ELAPOR2: variants seen among roughly 807,000 people sequenced by gnomAD.
The protein encoded by ELAPOR2 is endosome/lysosome-associated apoptosis and autophagy regulator family member 2.
In ELAPOR2, 89 loss-of-function variants were observed where a neutral mutation model predicts 120.7. The ratio of observed to expected loss-of-function variants is 0.74; its 90% confidence interval spans 0.62 to 0.88. ELAPOR2 has a LOEUF of 0.88. Ranked by LOEUF, ELAPOR2 falls within the 40% of genes least tolerant of loss-of-function variation. The pLI is 0.00. For synonymous variants in ELAPOR2, 444 were observed against 444.9 expected (o/e 1.00, Z 0.03); for missense variants, 1,134 against 1,251.6 (o/e 0.91, Z 1.42).
chr7:87,014,349 C>T (rs1793796024), intron 1 of ELAPOR2, among the ~76,000 whole-genome samples: 1 of 152,130 alleles, frequency 6.6e-6, no homozygotes. Flanking sequence ...TTCATGGCAA[C>T]TTCACAGATC....
chr7:87,010,331 C>T (rs928968345), intron 1 of ELAPOR2, among the ~76,000 whole-genome samples: 1 of 152,120 alleles, frequency 6.6e-6, no homozygotes, highest in African/African-American at 2.4e-5. Context: ...AAATCTCCAA[C>T]GTAGGAAGTG....
At chr7:86,937,526 A>C (rs1362513767) in intron 8 of ELAPOR2, among the ~76,000 whole-genome samples, 1 of 152,078 alleles carries the variant, frequency 6.6e-6, no homozygotes, top group Admixed American at 6.6e-5. Flanking sequence ...TGCAGAGCTC[A>C]TGTGTGCATT....
In ELAPOR2 at chr7:86,913,391, G is replaced by T. The variant is rs144463134; in HGVS notation, c.1732-187C>A. On this transcript the variant is annotated intron_variant, in intron 13 of 21. Coordinates refer to ENST00000450689, the MANE Select transcript of ELAPOR2 (RefSeq NM_001142749.3). Reference sequence around the variant, plus strand: ...TAAAAAATCTTAAATCTTGATACTAGAAACTAATTTCTGCAATAATATAGT... The same window carrying T: ...TAAAAAATCTTAAATCTTGATACTATAAACTAATTTCTGCAATAATATAGT... Among the ~76,000 whole-genome samples the T allele has an allele frequency of 2.9e-3, 446 of 152,212 alleles. 2 individuals carry two copies. Among genetic ancestry groups the T allele is most frequent in the African/African-American group, 9.7e-3 (403 of 41,524 alleles).
chr7:86,963,772 G>A (rs979602614), intron 2 of ELAPOR2, among the ~76,000 whole-genome samples: 3 of 152,242 alleles, frequency 2.0e-5, no homozygotes, highest in African/African-American at 7.2e-5. Context: ...TCTGCCCTCT[G>A]CACGAGTGGT....
chr7:86,952,120 C>T (rs1032882415), intron 2 of ELAPOR2, among the ~76,000 whole-genome samples: 4 of 152,164 alleles, frequency 2.6e-5, no homozygotes, highest in Non-Finnish European at 4.4e-5. Context: ...TTGGGTGACT[C>T]AGATATCTCA....
chr7:87,038,465 G>A lies in ELAPOR2; in HGVS notation c.189+20860C>T, dbSNP rs188178922. Among the ~76,000 whole-genome samples the A allele has an allele frequency of 1.4e-4, 22 of 152,234 alleles. No homozygotes were observed. In the East Asian group the frequency reaches 3.9e-3, roughly 27 times the overall value. On this transcript the variant is annotated intron_variant, in intron 1 of 21. Coordinates refer to ENST00000450689, the MANE Select transcript of ELAPOR2 (RefSeq NM_001142749.3). ...ACCTAAATAGGAAATCTCACAAAAA[G>A]TGAAATACAAAAAGCTAAGTGACAC...
intron 8 of ELAPOR2, among the ~76,000 whole-genome samples, chr7:86,933,619 T>C (rs1161903963): frequency 1.3e-5 from 2 of 151,998 alleles, no homozygotes; most frequent in East Asian, 1.9e-4. Flanking sequence ...AGCACTCTAG[T>C]TCCAGGATGT....
At chr7:87,047,744 A>G (rs1794994480) in intron 1 of ELAPOR2, among the ~76,000 whole-genome samples, 2 of 152,230 alleles carry the variant, frequency 1.3e-5, no homozygotes, top group African/African-American at 4.8e-5. Context: ...TAGTGCAACC[A>G]CTGTGGAGAA....
intron 2 of ELAPOR2, among the ~76,000 whole-genome samples, chr7:86,959,476 T>G (rs1328425562): frequency 6.6e-6 from 1 of 152,232 alleles, no homozygotes; most frequent in Non-Finnish European, 1.5e-5. Context: ...CTATATGGCC[T>G]TTACTGTGTT....
chr7:86,985,817 C>T (rs1197374885), intron 1 of ELAPOR2, among the ~76,000 whole-genome samples: 1 of 151,970 alleles, frequency 6.6e-6, no homozygotes, highest in African/African-American at 2.4e-5. Context: ...TCCCTCCCCC[C>T]TGCCCCCACC....
chr7:86,967,633 A>C (rs1256009781), intron 1 of ELAPOR2, among the ~76,000 whole-genome samples: 2 of 152,130 alleles, frequency 1.3e-5, no homozygotes, highest in African/African-American at 4.8e-5. Context: ...GCTCCAAAAA[A>C]CTTTCCTCCA....
intron 2 of ELAPOR2, among the ~76,000 whole-genome samples, chr7:86,958,878 G>A (rs1435342521): frequency 6.6e-6 from 1 of 152,082 alleles, no homozygotes; most frequent in Non-Finnish European, 1.5e-5. Flanking sequence ...GATTCTTGAG[G>A]TTTTAATAGA....
At chr7:86,943,445 C>G (rs1388041473) in intron 4 of ELAPOR2, among the ~76,000 whole-genome samples, 1 of 151,914 alleles carries the variant, frequency 6.6e-6, no homozygotes, top group Non-Finnish European at 1.5e-5. Flanking sequence ...TTCCATTAAC[C>G]ATTAGTATGA....
chr7:86,895,056 A>G (rs1262427434), intron 19 of ELAPOR2, among the ~76,000 whole-genome samples: 1 of 152,136 alleles, frequency 6.6e-6, no homozygotes, highest in African/African-American at 2.4e-5. Flanking sequence ...CTCAATCAAC[A>G]TAAAGTAAAA....
intron 21 of ELAPOR2, 21 bp from the exon 22 acceptor site, chr7:86,880,551 C>T (rs773129225): frequency 7.0e-7 from 1 of 1,438,744 alleles, no homozygotes; most frequent in Admixed American, 1.7e-5. Flanking sequence ...ATATTAAAGA[C>T]AAAATCAACT....
intron 1 of ELAPOR2, among the ~76,000 whole-genome samples, chr7:86,970,821 C>G (rs2116507577): frequency 6.6e-6 from 1 of 152,180 alleles, no homozygotes; most frequent in East Asian, 1.9e-4. Flanking sequence ...TTCACTGTGG[C>G]CACTGTATTT....
At chr7:86,927,215 A>G (rs1790116125) in intron 8 of ELAPOR2, among the ~76,000 whole-genome samples, 1 of 151,914 alleles carries the variant, frequency 6.6e-6, no homozygotes, top group Admixed American at 6.6e-5. Context: ...TTACTCTTCT[A>G]TCCATTCATT....
intron 18 of ELAPOR2, among the ~76,000 whole-genome samples, chr7:86,905,356 A>T (rs1481564089): frequency 2.6e-5 from 4 of 151,898 alleles, no homozygotes; most frequent in Non-Finnish European, 1.5e-5. Flanking sequence ...AAAAAAACCT[A>T]ATAATTTCAG....
At chr7:86,976,520 G>A (rs1232148543) in intron 1 of ELAPOR2, among the ~76,000 whole-genome samples, 1 of 152,170 alleles carries the variant, frequency 6.6e-6, no homozygotes, top group East Asian at 1.9e-4. Context: ...TAAACCCTGA[G>A]TATTGAGCAA....
Sources: gnomAD v4.1 joint callset for allele counts (sites outside exome capture counted in the v4.1 genomes callset) on GRCh38, gnomAD v4.1.1 for gene constraint, MANE v1.5 for transcripts, NCBI Gene and HGNC (gene_info 2026-07-23, HGNC 2026-07-21) for gene names.